CSPG4: variants seen among roughly 807,000 people sequenced by gnomAD.
CSPG4 encodes chondroitin sulfate proteoglycan 4.
A neutral mutation model predicts 139.3 loss-of-function variants in CSPG4; 74 were observed. That is an observed-to-expected ratio of 0.53 (90% confidence interval 0.44 to 0.64). CSPG4 has a LOEUF of 0.64. CSPG4 is among the 30% of genes least tolerant of loss of function. The pLI, the probability that CSPG4 is intolerant of heterozygous loss-of-function variation, is 0.00. For missense variants in CSPG4, 2,565 were observed against 3,148.3 expected, an observed-to-expected ratio of 0.81 and a Z score of 4.43; for synonymous variants, 1,234 against 1,394.2, an observed-to-expected ratio of 0.89 and a Z score of 2.56.
chr15:75,690,838 T>C (rs760952697), intron 2 of CSPG4, 26 bp from the exon 3 acceptor site: 1 of 1,583,874 alleles, frequency 6.3e-7, no homozygotes, highest in Non-Finnish European at 8.6e-7. Flanking sequence ...GAGTGGGAGA[T>C]AGTGGACAGC....
intron 3 of CSPG4, among the ~76,000 whole-genome samples, chr15:75,686,895 T>C (rs376072786): frequency 0.032 from 4,754 of 147,436 alleles, 1 homozygote; most frequent in African/African-American, 0.11. Flanking sequence ...TAGCGGCCTG[T>C]CTCCACGGTC....
intron 8 of CSPG4, among the ~76,000 whole-genome samples, chr15:75,681,681 C>G (rs1037122247): frequency 5.3e-5 from 8 of 152,218 alleles, no homozygotes; most frequent in Non-Finnish European, 2.9e-5. Context: ...GGCTGGCCCC[C>G]ATGGCACAGT....
At position 75,693,168 on chromosome 15, in the gene CSPG4, G is replaced by C. The variant is rs760703987; in HGVS notation, c.154C>G (p.Gln52Glu). ...VATALTDIDLQLQFSTSQPEA... is the reference protein window; with the variant it reads ...VATALTDIDLELQFSTSQPEA... ...GGCTGGGACGTGGAGAACTGCAGCTGCAGGTCTATGTCGGTCAGAGCCGTG... is the reference window on the plus strand; with the variant it reads ...GGCTGGGACGTGGAGAACTGCAGCTCCAGGTCTATGTCGGTCAGAGCCGTG... Residue 52 changes from glutamine (Q) to glutamate (E), a missense_variant, in exon 2 of 10, where the codon CAG becomes GAG. Physicochemically the swap from Gln to Glu is conservative, Grantham distance 29. This residue lies in a region of CSPG4 where 30 missense variants were observed against 60.1 expected (regional missense o/e 0.50). Transcript: ENST00000308508. 2.5e-6 allele frequency: 4 copies of C among 1,608,752 alleles called. No homozygotes were observed. The East Asian group carries it at 8.9e-5, about 36-fold the overall frequency.
At chr15:75,692,962 A>C in intron 2 of CSPG4, 108 bp downstream of exon 2, 1 of 613,602 alleles carries the variant, frequency 1.6e-6, no homozygotes, top group Non-Finnish European at 2.9e-6. Context: ...TAAGACCCCA[A>C]GATAAAAGTG....
chr15:75,677,805 G>C lies in CSPG4; in HGVS notation c.5032C>G (p.Leu1678Val). ...ACGTCCCGGGCAGGCGGCGAGGACA[G>C]CTGGAGCTCTAGGGTATCATGGGCC... is the stretch of plus-strand genomic sequence containing the variant. Reference protein sequence around the residue: ...WEAHDTLELQLSSPPARDVAA... With the variant: ...WEAHDTLELQVSSPPARDVAA... The change falls in exon 9 of 10, where the codon CTG becomes GTG. Residue 1678 changes from leucine (L) to valine (V), a missense_variant. Coordinates refer to ENST00000308508, the MANE Select transcript of CSPG4 (RefSeq NM_001897.5). The C allele has an allele frequency of 6.2e-7, 1 of 1,612,364 alleles. No individual in the cohort carries two copies. The highest frequency in any genetic ancestry group is 2.2e-5 in the East Asian group (1 of 44,754).
At position 75,690,637 on chromosome 15, in the gene CSPG4, G is replaced by A. The variant is rs751902270; in HGVS notation, c.428C>T (p.Pro143Leu). The A allele has an allele frequency of 4.3e-6, 7 of 1,611,496 alleles. No homozygotes were observed. Among genetic ancestry groups the A allele is most frequent in the Non-Finnish European group, 5.1e-6 (6 of 1,179,868 alleles). ...AGTGCCCCCAACAAAGAGCCCATAG[G>A]GGACCTCTAGGGGGGCTCCTGGGAC... Reference protein sequence around the residue: ...SAVPGAPLEVPYGLFVGGTGT... With the variant: ...SAVPGAPLEVLYGLFVGGTGT... Residue 143 changes from proline (P) to leucine (L), a missense_variant, in exon 3 of 10, where the codon CCC becomes CTC. Around this residue, in one of 5 missense-constraint regions of CSPG4, gnomAD observed 132 missense variants for 132.3 expected, o/e 1.00. Transcript: ENST00000308508.
Position 75,685,425 on chromosome 15 carries a change from C to G in CSPG4, c.4066G>C (p.Ala1356Pro), listed in dbSNP as rs750753426. Reference sequence around the variant, plus strand: ...TTTTGCGCCTCTAGTGGGATGGCAGCGGGCAGCACCTCCAGCTCCACAAGG... The same window carrying G: ...TTTTGCGCCTCTAGTGGGATGGCAGGGGGCAGCACCTCCAGCTCCACAAGG... Reference protein sequence around the residue: ...GVLVELEVLPAAIPLEAQNFS... With the variant: ...GVLVELEVLPPAIPLEAQNFS... The change falls in exon 4 of 10, where the codon GCT (alanine) becomes CCT (proline). Residue 1356 changes from alanine to proline, a missense_variant. Ala to Pro is a conservative substitution (Grantham distance 27). Transcript: ENST00000308508. 6.2e-7 allele frequency: 1 copy of G among 1,611,978 alleles called. No homozygotes were observed.
In CSPG4 at chr15:75,676,155, T is replaced by A. The variant is rs780789623; in HGVS notation, c.6364A>T (p.Arg2122Trp). The A allele has an allele frequency of 6.5e-7, 1 of 1,546,736 alleles. No homozygotes were observed. The highest frequency in any genetic ancestry group is 1.2e-5 in the South Asian group (1 of 85,112). Residue 2122 changes from arginine (R) to tryptophan (W), a missense_variant, in exon 10 of 10, where the codon AGG becomes TGG. Physicochemically the swap from Arg to Trp is moderately radical, Grantham distance 101. Around this residue, in one of 5 missense-constraint regions of CSPG4, gnomAD observed 2,316 missense variants for 2,818.2 expected, o/e 0.82. Coordinates refer to ENST00000308508, the MANE Select transcript of CSPG4 (RefSeq NM_001897.5). ...GGCCTGCCCACCTCCAGCCCCAGCC[T>A]CCCGTCCTCAAGGTCCTGCTGAGTG... ...QFTQQDLEDG[R>W]LGLEVGRPEG...
rs776831261 is a variant in CSPG4, at chr15:75,688,584, C to T, written c.2481G>A (p.Gln827=). Residue 827 remains glutamine (Q), a synonymous_variant, in exon 3 of 10, where the codon CAG becomes CAA. Coordinates refer to ENST00000308508, the MANE Select transcript of CSPG4 (RefSeq NM_001897.5). The part of the protein sequence containing the change: ...SPPTFHYEVV[Q]APRKGNLQLQ... ...GTTGAAGGTTGCCTTTCCTGGGAGC[C>T]TGAACCACCTCATAATGGAAGGTTG... 12 of 1,613,056 alleles carry T rather than the reference C, an allele frequency of 7.4e-6. No homozygotes were observed. The highest frequency in any genetic ancestry group is 1.0e-5 in the Non-Finnish European group (12 of 1,179,992).
rs567908759 is a variant in CSPG4, at chr15:75,692,185, T to C, written c.252+885A>G. On this transcript the variant is annotated intron_variant, in intron 2 of 9. Transcript: ENST00000308508. ...TTTTATTAGAGACACGGTTTCACCA[T>C]GTTGGCCAGGCTGGTCTCGAACTCC... 3.3e-5 allele frequency among the ~76,000 whole-genome samples: 5 copies of C among 152,282 alleles called. No homozygotes were observed. The East Asian group carries it at 9.6e-4, about 29-fold the overall frequency.
chr15:75,712,114 C>G (rs2141444270), intron 1 of CSPG4, among the ~76,000 whole-genome samples: 1 of 136,034 alleles, frequency 7.4e-6, no homozygotes, highest in African/African-American at 2.8e-5. Flanking sequence ...ATAGACGGAT[C>G]TGCAAGGAAG....
At position 75,682,300 on chromosome 15, in the gene CSPG4, T is replaced by G; in HGVS notation, c.4943A>C (p.Gln1648Pro). ...GCAAAGTTGGGCCCTTACCTCTGCCTGAGTGAAGTTCACCAGGGCCTCCCC... is the reference window on the plus strand; with the variant it reads ...GCAAAGTTGGGCCCTTACCTCTGCCGGAGTGAAGTTCACCAGGGCCTCCCC... Reference protein sequence around the residue: ...STGEALVNFTQAEVYAGNILY... With the variant: ...STGEALVNFTPAEVYAGNILY... Residue 1648 changes from glutamine to proline, a missense_variant, in exon 8 of 10, where the codon CAG becomes CCG. Physicochemically the swap from Gln to Pro is moderately conservative, Grantham distance 76. Around this residue, in one of 5 missense-constraint regions of CSPG4, gnomAD observed 2,316 missense variants for 2,818.2 expected, o/e 0.82. Coordinates refer to ENST00000308508, the MANE Select transcript of CSPG4 (RefSeq NM_001897.5). The G allele has an allele frequency of 6.3e-7, 1 of 1,596,646 alleles. No individual in the cohort carries two copies. The highest frequency in any genetic ancestry group is 1.7e-5 in the Admixed American group (1 of 60,016).
intron 1 of CSPG4, 94 bp downstream of exon 1, chr15:75,712,574 G>A: frequency 8.0e-7 from 1 of 1,245,332 alleles, no homozygotes; most frequent in South Asian, 1.3e-5. Context: ...TCCCGATCTG[G>A]GGGCCACTTC....
In CSPG4 at chr15:75,698,846, G is replaced by T. The variant is rs907343197; in HGVS notation, c.89-5613C>A. 4.6e-5 allele frequency among the ~76,000 whole-genome samples: 7 copies of T among 152,296 alleles called. No individual in the cohort carries two copies. The highest frequency in any genetic ancestry group is 1.7e-4 in the African/African-American group (7 of 41,576). The stretch of plus-strand genomic sequence containing the variant: ...ACCCTGTTACTCTGAGGGTAACAAG[G>T]GGGTAGGTTACAGGGGAGACTTAAG... On this transcript the variant is annotated intron_variant, in intron 1 of 9. Transcript: ENST00000308508. This position sits in a 1 kb window ranked among gnomAD's most constrained non-coding sequence, Gnocchi z 4.3.
intron 1 of CSPG4, 48 bp from the exon 2 acceptor site, chr15:75,693,281 G>A (rs1894189061): frequency 7.1e-7 from 1 of 1,418,248 alleles, no homozygotes; most frequent in African/African-American, 1.4e-5. Flanking sequence ...CTTGCCTGGA[G>A]GAGGCGAGGT....
chr15:75,700,799 G>A (rs1439550260), intron 1 of CSPG4, among the ~76,000 whole-genome samples: 1 of 152,300 alleles, frequency 6.6e-6, no homozygotes, highest in East Asian at 1.9e-4. Context: ...TTGGGATGGG[G>A]GAAGAACAGA....
chr15:75,688,899 AC>A lies in CSPG4; in HGVS notation c.2165del (p.Gly722ValfsTer20), dbSNP rs1894109160. 1 of 1,611,974 alleles carries A rather than the reference AC, an allele frequency of 6.2e-7. No homozygotes were observed. The highest frequency in any genetic ancestry group is 8.5e-7 in the Non-Finnish European group (1 of 1,179,918). On this transcript the variant is annotated frameshift_variant, in exon 3 of 10. Transcript: ENST00000308508. LOFTEE classifies it high-confidence loss of function. Reference sequence around the variant, plus strand: ...ACGCCTGTGTGGCCCACCACTCAGCACCCTCCACCCCACCTGCCCCCTGCTT... The same window carrying A: ...ACGCCTGTGTGGCCCACCACTCAGCACCTCCACCCCACCTGCCCCCTGCTT... ...LQKQGAGGVE[G>X]AEWWATQAFH...
At chr15:75,683,488 T>C (rs1012544884) in intron 5 of CSPG4, among the ~76,000 whole-genome samples, 7 of 152,184 alleles carry the variant, frequency 4.6e-5, no homozygotes, top group Non-Finnish European at 1.0e-4. Context: ...ATGGTGATTT[T>C]AGAAATGGGC....
Position 75,682,430 on chromosome 15 carries a change from G to A in CSPG4, c.4813C>T (p.Leu1605Phe), listed in dbSNP as rs548700280. 256 of 1,589,060 alleles carry A rather than the reference G, an allele frequency of 1.6e-4. 2 individuals carry two copies. In the South Asian group the frequency reaches 2.7e-3, roughly 17 times the overall value. The change falls in exon 8 of 10, where the codon CTC becomes TTC. Residue 1605 changes from leucine to phenylalanine, a missense_variant. Leu to Phe is a conservative substitution (Grantham distance 22, BLOSUM62 0). Transcript: ENST00000308508. ...GTGCCTGCGCTGGAGCTGGCCCTGA[G>A]GGTCTGACTGCTGAGTGGCTGGACG... is the stretch of plus-strand genomic sequence containing the variant. ...GSVQPLSSQTLRASSSAGTDP... is the reference protein window; with the variant it reads ...GSVQPLSSQTFRASSSAGTDP...
Sources: gnomAD v4.1 joint callset for allele counts (sites outside exome capture counted in the v4.1 genomes callset) on GRCh38, gnomAD v4.1.1 for gene constraint, gnomAD v4.1.1 regional missense constraint, Gnocchi (gnomAD v3.1) non-coding constraint, MANE v1.5 for transcripts, NCBI Gene and HGNC (gene_info 2026-07-23, HGNC 2026-07-21) for gene names.